SLIT2: variants seen among roughly 807,000 people sequenced by gnomAD.
SLIT2 encodes the protein slit guidance ligand 2, also known as slit homolog 2 protein.
A neutral mutation model predicts 185.7 loss-of-function variants in SLIT2; 41 were observed. That is an observed-to-expected ratio of 0.22 (90% CI 0.17 to 0.29). The LOEUF (loss-of-function observed/expected upper bound fraction) is 0.29. Ranked by LOEUF, SLIT2 falls within the 10% of genes least tolerant of loss-of-function variation. The probability of loss-of-function intolerance (pLI) is 1.00; values close to 1 mark genes in which losing one functional copy is unlikely to be tolerated. For missense variants in SLIT2, 1,571 were observed against 1,909.0 expected (o/e 0.82, Z 3.30); for synonymous variants, 693 against 680.2 (o/e 1.02, Z -0.29).
chr4:20,582,619 A>G (rs566862508), intron 29 of SLIT2, among the ~76,000 whole-genome samples: 45 of 152,318 alleles, frequency 3.0e-4, no homozygotes, highest in South Asian at 2.5e-3. Context: ...CAAAACTAGT[A>G]TGAATTTCTT....
chr4:20,519,866 A>G (rs565473233), intron 12 of SLIT2, among the ~76,000 whole-genome samples: 61 of 151,802 alleles, frequency 4.0e-4, no homozygotes, highest in African/African-American at 1.4e-3. Context: ...CCCCATCTCT[A>G]CTAACAAACA....
At chr4:20,308,651 G>T (rs911909442) in intron 4 of SLIT2, among the ~76,000 whole-genome samples, 3 of 152,052 alleles carry the variant, frequency 2.0e-5, no homozygotes, top group Non-Finnish European at 2.9e-5. Flanking sequence ...AGAAGGAATG[G>T]AATACTTAAT....
chr4:20,345,504 TTTTTTC>T (rs1412608188), intron 4 of SLIT2, among the ~76,000 whole-genome samples: 5 of 151,660 alleles, frequency 3.3e-5, no homozygotes, highest in East Asian at 1.9e-4. Context: ...TTTTTTTTCC[TTTTTTC>T]TTTTTCTTTT....
At chr4:20,393,717 C>G (rs776607665) in intron 4 of SLIT2, 1 of 151,820 alleles carries the variant, frequency 6.6e-6, no homozygotes, top group African/African-American at 2.4e-5. Flanking sequence ...CATTTTGTCC[C>G]TTCTTTCATT....
chr4:20,609,570 G>T (rs1159339083), intron 33 of SLIT2, among the ~76,000 whole-genome samples: 1 of 152,134 alleles, frequency 6.6e-6, no homozygotes, highest in Non-Finnish European at 1.5e-5. Context: ...TTTTTTAAGA[G>T]CAGAAGCCAG....
chr4:20,589,371 A>G (rs534414293), intron 29 of SLIT2, among the ~76,000 whole-genome samples: 95 of 152,214 alleles, frequency 6.2e-4, no homozygotes, highest in Non-Finnish European at 1.1e-3. Context: ...TCCTTTTCCT[A>G]ATTCCCATAG....
intron 12 of SLIT2, among the ~76,000 whole-genome samples, chr4:20,521,803 TA>T (rs372645420): frequency 2.0e-4 from 31 of 151,678 alleles, no homozygotes; most frequent in African/African-American, 6.3e-4. Flanking sequence ...GTAGCACCTT[TA>T]AAAAAAAATC....
At chr4:20,514,808 A>G (rs1229642485) in intron 11 of SLIT2, among the ~76,000 whole-genome samples, 1 of 151,676 alleles carries the variant, frequency 6.6e-6, no homozygotes, top group Non-Finnish European at 1.5e-5. Flanking sequence ...CGTATTATAT[A>G]AAATTATAAT....
Position 20,554,341 on chromosome 4 carries a change from G to A in SLIT2, c.2725+373G>A, listed in dbSNP as rs1390310009. ...GGGCCCTGTGGCTTCCTCATACCAG[G>A]TAAGGAGAAACAGGCCCTCCCCAGT... is the stretch of plus-strand genomic sequence containing the variant. On this transcript the variant is annotated intron_variant, in intron 26 of 36. Transcript: ENST00000504154. The A allele has an allele frequency of 4.3e-6, 2 of 461,222 alleles. 1 individual carries two copies. The allele number at this position is 461,222 out of a possible 1,614,324, so 28.6% of individuals were successfully genotyped here. A position where few individuals can be genotyped will look rare whatever the true frequency, so the allele number is the denominator to read the frequency against.
At chr4:20,392,854 C>A (rs1312480005) in intron 4 of SLIT2, among the ~76,000 whole-genome samples, 1 of 152,076 alleles carries the variant, frequency 6.6e-6, no homozygotes, top group Non-Finnish European at 1.5e-5. Context: ...TCTAGGATAA[C>A]AATGCCTTCT....
intron 4 of SLIT2, among the ~76,000 whole-genome samples, chr4:20,332,957 T>TA: frequency 6.6e-6 from 1 of 152,106 alleles, no homozygotes; most frequent in African/African-American, 2.4e-5. Context: ...TTTCTATTTT[T>TA]AAAAGAAAGG....
At chr4:20,318,510 T>G (rs1045985800) in intron 4 of SLIT2, among the ~76,000 whole-genome samples, 1 of 152,190 alleles carries the variant, frequency 6.6e-6, no homozygotes, top group Admixed American at 6.5e-5. Context: ...AAAAGTGCTT[T>G]CCAGTCCAAA....
intron 4 of SLIT2, among the ~76,000 whole-genome samples, chr4:20,361,022 G>C: frequency 6.6e-6 from 1 of 152,128 alleles, no homozygotes; most frequent in Non-Finnish European, 1.5e-5. Flanking sequence ...AATCAGAGCT[G>C]ATTAACAAAT....
intron 4 of SLIT2, among the ~76,000 whole-genome samples, chr4:20,459,107 A>G (rs1207151723): frequency 6.6e-6 from 1 of 152,110 alleles, no homozygotes; most frequent in East Asian, 1.9e-4. Context: ...TGAGAACTAG[A>G]AGTTCCTGAG....
intron 29 of SLIT2, among the ~76,000 whole-genome samples, chr4:20,585,676 A>C (rs1010130847): frequency 2.0e-5 from 3 of 152,182 alleles, no homozygotes; most frequent in Admixed American, 6.5e-5. Flanking sequence ...ATCATTTACA[A>C]CACTAACTCT....
Position 20,302,877 on chromosome 4 carries a change from G to A in SLIT2, c.395+33996G>A, listed in dbSNP as rs897311983. ...TTTGTATCTGATTGTATATGACGTG[G>A]AACTTTCATGATATAAATTTACCTT... On this transcript the variant is annotated intron_variant, in intron 4 of 36. Coordinates refer to ENST00000504154, the MANE Select transcript of SLIT2 (RefSeq NM_004787.4). Among the ~76,000 whole-genome samples the A allele has an allele frequency of 1.8e-4, 27 of 152,094 alleles. 1 individual carries two copies. The highest frequency in any genetic ancestry group is 1.8e-3 in the Admixed American group (27 of 15,262).
At position 20,342,048 on chromosome 4, in the gene SLIT2, C is replaced by CA. The variant is rs774947999; in HGVS notation, c.395+73168dup. 2.4e-3 allele frequency among the ~76,000 whole-genome samples: 364 copies of CA among 152,206 alleles called. 13 individuals are homozygous for CA. Among genetic ancestry groups the CA allele is most frequent in the Middle Eastern group, 0.01 (3 of 294 alleles). On this transcript the variant is annotated intron_variant, in intron 4 of 36. Coordinates refer to ENST00000504154, the MANE Select transcript of SLIT2 (RefSeq NM_004787.4). The stretch of plus-strand genomic sequence containing the variant: ...AAAGTCATTGAACATATTTTGTGTT[C>CA]AGTTCAGTGAGTTGAATTCAGTTGC...
intron 4 of SLIT2, among the ~76,000 whole-genome samples, chr4:20,411,137 G>A (rs1727226773): frequency 6.6e-6 from 1 of 152,092 alleles, no homozygotes; most frequent in African/African-American, 2.4e-5. Flanking sequence ...CACTTCCCTT[G>A]TTAACTGTAG....
At chr4:20,424,938 A>T (rs570960819) in intron 4 of SLIT2, among the ~76,000 whole-genome samples, 1 of 152,228 alleles carries the variant, frequency 6.6e-6, no homozygotes, top group South Asian at 2.1e-4. Context: ...GTGTCTATAT[A>T]TTTTTGGTTT....
Sources: gnomAD v4.1 joint callset for allele counts (sites outside exome capture counted in the v4.1 genomes callset) on GRCh38, gnomAD v4.1.1 for gene constraint, MANE v1.5 for transcripts, NCBI Gene and HGNC (gene_info 2026-07-23, HGNC 2026-07-21) for gene names.